ENTHD1: variants seen among roughly 807,000 people sequenced by gnomAD.
ENTHD1 encodes the protein ENTH domain containing 1.
A neutral mutation model predicts 39.1 loss-of-function variants in ENTHD1; 23 were observed. The ratio of observed to expected loss-of-function variants is 0.59; its 90% CI spans 0.42 to 0.83. The LOEUF is 0.83. ENTHD1 is among the 40% of genes least tolerant of loss of function. ENTHD1 has a pLI of 0.00. For missense variants in ENTHD1, 624 were observed against 705.4 expected (o/e 0.88, Z 1.31); for synonymous variants, 230 against 258.2 (o/e 0.89, Z 1.05).
At chr22:39,883,747 C>T (rs1471171355) in intron 2 of ENTHD1, among the ~76,000 whole-genome samples, 2 of 148,798 alleles carry the variant, frequency 1.3e-5, no homozygotes, top group African/African-American at 2.5e-5. Flanking sequence ...CCCAGCTACT[C>T]GGGAGGCTGA....
intron 3 of ENTHD1, among the ~76,000 whole-genome samples, chr22:39,841,756 T>C (rs1040967567): frequency 7.9e-5 from 12 of 151,956 alleles, no homozygotes; most frequent in Admixed American, 7.2e-4. Flanking sequence ...AATATTGTTA[T>C]GTGTGAATTT....
intron 5 of ENTHD1, among the ~76,000 whole-genome samples, chr22:39,773,157 A>G (rs992749800): frequency 6.6e-6 from 1 of 150,748 alleles, no homozygotes; most frequent in Non-Finnish European, 1.5e-5. Flanking sequence ...GAACCTCAAG[A>G]ATTAAAGAAC....
In ENTHD1 at chr22:39,887,727, T is replaced by C; in HGVS notation, c.22A>G (p.Lys8Glu). 6.3e-7 allele frequency: 1 copy of C among 1,580,002 alleles called. No homozygotes were observed. The highest frequency in any genetic ancestry group is 8.6e-7 in the Non-Finnish European group (1 of 1,164,988). Residue 8 changes from lysine to glutamate, a missense_variant, in exon 2 of 7, where the codon AAA becomes GAA. Coordinates refer to ENST00000325157, the MANE Select transcript of ENTHD1 (RefSeq NM_152512.4). MAFRRQV[K>E]NFVKNYSDAE... is the part of the protein sequence containing the mutation. ...TCTGAGTAATTTTTCACAAAGTTTTTCACTTGTCTCCTGAACGCCATAAGT... is the reference window on the plus strand; with the variant it reads ...TCTGAGTAATTTTTCACAAAGTTTTCCACTTGTCTCCTGAACGCCATAAGT...
chr22:39,817,398 C>T (rs1019320946), intron 5 of ENTHD1, among the ~76,000 whole-genome samples: 1 of 152,068 alleles, frequency 6.6e-6, no homozygotes, highest in South Asian at 2.1e-4. Context: ...AAAAATATGG[C>T]AAATCTCTAC....
rs117107923 is a variant in ENTHD1 at position 39,787,594 on chromosome 22, G to A, written c.833-21985C>T. Among the ~76,000 whole-genome samples the A allele has an allele frequency of 6.2e-3, 945 of 152,214 alleles. 12 individuals are homozygous for A. Among genetic ancestry groups the A allele is most frequent in the Non-Finnish European group, 5.0e-3 (342 of 68,012 alleles). The stretch of plus-strand genomic sequence containing the variant: ...TTGTTGATATGGAAAAAGTCTGAGT[G>A]GTCCAAATAGATCAAACCAGCCCCA... On this transcript the variant is annotated intron_variant, in intron 5 of 6. Transcript: ENST00000325157.
Position 39,766,019 on chromosome 22 carries a change from C to CA in ENTHD1, c.833-411dup, listed in dbSNP as rs11367784. ...TCTATCCTTACAGAACCCTCAGCTA[C>CA]AAAAAAAAAAAAAAAAAAAAAAAAA... is the stretch of plus-strand genomic sequence containing the variant. On this transcript the variant is annotated intron_variant, in intron 5 of 6. Coordinates refer to ENST00000325157, the MANE Select transcript of ENTHD1 (RefSeq NM_152512.4). 2.3e-3 allele frequency among the ~76,000 whole-genome samples: 113 copies of CA among 48,334 alleles called. 2 individuals are homozygous for CA. The highest frequency in any genetic ancestry group is 3.5e-3 in the African/African-American group (48 of 13,582). The allele number at this position is 48,334 out of a possible 152,430, so 31.7% of individuals were successfully genotyped here. A position where few individuals can be genotyped will look rare whatever the true frequency, so the allele number is the denominator to read the frequency against.
intron 3 of ENTHD1, among the ~76,000 whole-genome samples, chr22:39,851,173 T>C (rs1467217910): frequency 1.3e-5 from 2 of 152,238 alleles, no homozygotes; most frequent in African/African-American, 4.8e-5. Context: ...GCTTCTACTG[T>C]AGAAGATGAG....
chr22:39,765,341 G>A lies in ENTHD1; in HGVS notation c.1101C>T (p.Leu367=). The change falls in exon 6 of 7, where the codon CTC becomes CTT. Residue 367 remains leucine, a synonymous_variant. Transcript: ENST00000325157. ...HNQASVETLC[L]SPSFKIFDRV... Reference sequence around the variant, plus strand: ...GGTCAAATATTTTGAATGAGGGAGAGAGACAGAGTGTTTCTACAGAGGCCT... The same window carrying A: ...GGTCAAATATTTTGAATGAGGGAGAAAGACAGAGTGTTTCTACAGAGGCCT... The A allele has an allele frequency of 6.2e-7, 1 of 1,613,960 alleles. No individual in the cohort carries two copies. The highest frequency in any genetic ancestry group is 8.5e-7 in the Non-Finnish European group (1 of 1,179,952).
chr22:39,815,734 A>C (rs1601613621), intron 5 of ENTHD1, among the ~76,000 whole-genome samples: 1 of 152,340 alleles, frequency 6.6e-6, no homozygotes, highest in East Asian at 1.9e-4. Flanking sequence ...ATACATAATG[A>C]GGATAGTATT....
chr22:39,798,548 T>C (rs948133686), intron 5 of ENTHD1, among the ~76,000 whole-genome samples: 1 of 152,180 alleles, frequency 6.6e-6, no homozygotes, highest in Non-Finnish European at 1.5e-5. Context: ...GCTTAGGCTG[T>C]GGTTGTTAGT....
chr22:39,831,741 G>T (rs1161779344), intron 4 of ENTHD1, among the ~76,000 whole-genome samples: 1 of 151,968 alleles, frequency 6.6e-6, no homozygotes. Context: ...CAGGAGAATC[G>T]CTTGAACCCC....
At chr22:39,884,075 G>C (rs1026108298) in intron 2 of ENTHD1, among the ~76,000 whole-genome samples, 1 of 152,052 alleles carries the variant, frequency 6.6e-6, no homozygotes, top group African/African-American at 2.4e-5. Context: ...AAGACATCCT[G>C]TGTACAAAGA....
intron 1 of ENTHD1, among the ~76,000 whole-genome samples, chr22:39,891,069 T>C (rs534804401): frequency 9.2e-5 from 14 of 152,322 alleles, no homozygotes; most frequent in South Asian, 6.2e-4. Context: ...CCCAAGAGGG[T>C]AAATTTCCAC....
chr22:39,807,289 G>C (rs546631790), intron 5 of ENTHD1, among the ~76,000 whole-genome samples: 6 of 152,014 alleles, frequency 3.9e-5, no homozygotes, highest in Non-Finnish European at 8.8e-5. Flanking sequence ...TTTTTCAGAC[G>C]CAATAAAAAC....
chr22:39,875,502 A>G lies in ENTHD1; in HGVS notation c.349+11898T>C. 4 of 1,595,228 alleles carry G rather than the reference A, an allele frequency of 2.5e-6. No individual in the cohort carries two copies. The South Asian group carries it at 3.4e-5, about 14-fold the overall frequency. The stretch of plus-strand genomic sequence containing the variant: ...CCTTTGGTCGCCTCCGTGGGCCTCA[A>G]TGTCCCTGCTTCTGTTTGTTATTCC... On this transcript the variant is annotated intron_variant, in intron 2 of 6. Transcript: ENST00000325157.
At chr22:39,873,645 A>G (rs986976356) in intron 2 of ENTHD1, among the ~76,000 whole-genome samples, 3 of 152,202 alleles carry the variant, frequency 2.0e-5, no homozygotes, top group East Asian at 3.8e-4. Context: ...TTCATTTTTC[A>G]TAAGATGCTT....
At chr22:39,816,985 AAAT>A (rs2065738948) in intron 5 of ENTHD1, among the ~76,000 whole-genome samples, 1 of 152,072 alleles carries the variant, frequency 6.6e-6, no homozygotes, top group African/African-American at 2.4e-5. Flanking sequence ...AAAAAATAAA[AAAT>A]AGGTTAAAAA....
intron 2 of ENTHD1, among the ~76,000 whole-genome samples, chr22:39,863,090 G>C (rs1035980229): frequency 6.6e-6 from 1 of 152,030 alleles, no homozygotes; most frequent in Admixed American, 6.6e-5. Flanking sequence ...CCTGAACCTG[G>C]ACTCTCCAGC....
chr22:39,758,002 G>A (rs1051686052), intron 6 of ENTHD1, among the ~76,000 whole-genome samples: 1 of 152,180 alleles, frequency 6.6e-6, no homozygotes, highest in Admixed American at 6.5e-5. Context: ...GGAACTGTGA[G>A]TCAACTAAAC....
Sources: gnomAD v4.1 joint callset for allele counts (sites outside exome capture counted in the v4.1 genomes callset) on GRCh38, gnomAD v4.1.1 for gene constraint, MANE v1.5 for transcripts, NCBI Gene and HGNC (gene_info 2026-07-23, HGNC 2026-07-21) for gene names.